The following KCNQ1 variants were observed in gnomAD, a reference collection of about 807,000 sequenced individuals.
KCNQ1 encodes the protein potassium voltage-gated channel subfamily Q member 1, also known as potassium voltage-gated channel subfamily KQT member 1.
In KCNQ1, 49 loss-of-function variants were observed where a neutral mutation model predicts 72.4. The observed-to-expected ratio is 0.68, with a 90% CI of 0.54 to 0.86. KCNQ1 has a LOEUF of 0.86. KCNQ1 is among the 40% of genes least tolerant of loss of function. The pLI is 0.00. For synonymous variants in KCNQ1, 450 were observed against 412.6 expected (o/e 1.09, Z -1.10); for missense variants, 790 against 945.1 (o/e 0.84, Z 2.15).
intron 10 of KCNQ1, chr11:2,619,025 T>A (rs1849118380): frequency 2.5e-6 from 1 of 398,484 alleles, no homozygotes; most frequent in Admixed American, 4.4e-5. Flanking sequence ...ATTGATTTTA[T>A]ATCCTACAAC....
Position 2,587,781 on chromosome 11 carries a change from C to T in KCNQ1, c.1251+89C>T, listed in dbSNP as rs148458744. 166 of 1,574,618 alleles carry T rather than the reference C, an allele frequency of 1.1e-4. No homozygotes were observed. The African/African-American group carries it at 2.1e-3, about 20-fold the overall frequency. On this transcript the variant is annotated intron_variant, in intron 9 of 15. Transcript: ENST00000155840. ...CCGCAGCACGAGGCTGGGATCTCAC[C>T]ATGCATTTGGCTTGGTACAGCCTGT...
intron 2 of KCNQ1, among the ~76,000 whole-genome samples, chr11:2,568,755 C>A (rs1342587435): frequency 6.6e-6 from 1 of 152,216 alleles, no homozygotes; most frequent in Non-Finnish European, 1.5e-5. Context: ...CTCTAAGGAG[C>A]TCAGCCGGAC....
chr11:2,750,125 C>T lies in KCNQ1; in HGVS notation c.1515-18719C>T, dbSNP rs1430801279. 2.6e-5 allele frequency among the ~76,000 whole-genome samples: 4 copies of T among 152,164 alleles called. No homozygotes were observed. The highest frequency in any genetic ancestry group is 6.5e-5 in the Admixed American group (1 of 15,268). ...GCTGGTGAAGCTGGGGAGAGACCTG[C>T]GCAACCCCACCTGAGTGAGGCACTG... On this transcript the variant is annotated intron_variant, in intron 11 of 15. Coordinates refer to ENST00000155840, the MANE Select transcript of KCNQ1 (RefSeq NM_000218.3). The surrounding 1 kb of genome is among the most constrained non-coding windows in gnomAD (Gnocchi z 6.3).
In KCNQ1 at chr11:2,549,931, G is replaced by A. The variant is rs554310749; in HGVS notation, c.478-20697G>A. Among the ~76,000 whole-genome samples the A allele has an allele frequency of 1.3e-5, 2 of 152,218 alleles. No individual in the cohort carries two copies. Among genetic ancestry groups the A allele is most frequent in the Admixed American group, 6.5e-5 (1 of 15,306 alleles). On this transcript the variant is annotated intron_variant, in intron 2 of 15. Coordinates refer to ENST00000155840, the MANE Select transcript of KCNQ1 (RefSeq NM_000218.3). This position sits in a 1 kb window ranked among gnomAD's most constrained non-coding sequence, Gnocchi z 6.2. ...TTGCCCACCGCCCCCGCCACCCAGC[G>A]CGAGCCGCGTAGAGGAGCAGGAAGG...
Position 2,587,779 on chromosome 11 carries a change from A to G in KCNQ1, c.1251+87A>G, listed in dbSNP as rs566385961. 5.3e-4 allele frequency: 829 copies of G among 1,569,028 alleles called. 3 individuals are homozygous for G. In the African/African-American group the frequency reaches 0.01, roughly 19 times the overall value. ...GGCCGCAGCACGAGGCTGGGATCTC[A>G]CCATGCATTTGGCTTGGTACAGCCT... On this transcript the variant is annotated intron_variant, in intron 9 of 15. Coordinates refer to ENST00000155840, the MANE Select transcript of KCNQ1 (RefSeq NM_000218.3).
Position 2,651,695 on chromosome 11 carries a change from T to G in KCNQ1, c.1394-10266T>G, listed in dbSNP as rs1849758841. ...CCACGTGGCCCTCTGTTTCCTGTAA[T>G]AGGCCATTTCCTAAGTAAGCATCAT... On this transcript the variant is annotated intron_variant, in intron 10 of 15. Coordinates refer to ENST00000155840, the MANE Select transcript of KCNQ1 (RefSeq NM_000218.3). The surrounding 1 kb of genome is among the most constrained non-coding windows in gnomAD (Gnocchi z 6.1). 1 of 398,526 alleles carries G rather than the reference T, an allele frequency of 2.5e-6. No individual in the cohort carries two copies. The highest frequency in any genetic ancestry group is 4.4e-6 in the Non-Finnish European group (1 of 226,078). 24.7% of individuals were successfully genotyped at this position (398,526 alleles called of 1,614,324 possible). A position where few individuals can be genotyped will look rare whatever the true frequency, so the allele number is the denominator to read the frequency against.
chr11:2,703,496 C>T lies in KCNQ1; in HGVS notation c.1514+41415C>T, dbSNP rs924996339. Among the ~76,000 whole-genome samples the T allele has an allele frequency of 6.6e-6, 1 of 152,208 alleles. No homozygotes were observed. The highest frequency in any genetic ancestry group is 2.1e-4 in the South Asian group (1 of 4,832). ...AAGCCTGTGCACCCGAGAGCACGCA[C>T]GCACACACGCACTCACAGCTGAAGA... On this transcript the variant is annotated intron_variant, in intron 11 of 15. Coordinates refer to ENST00000155840, the MANE Select transcript of KCNQ1 (RefSeq NM_000218.3). This position sits in a 1 kb window ranked among gnomAD's most constrained non-coding sequence, Gnocchi z 6.4.
intron 11 of KCNQ1, chr11:2,684,465 T>C (rs915076758): frequency 5.0e-5 from 20 of 398,558 alleles, no homozygotes; most frequent in African/African-American, 3.9e-4. Context: ...AAAAAGACTA[T>C]GCTCCAGAAC....
intron 10 of KCNQ1, among the ~76,000 whole-genome samples, chr11:2,597,951 T>C (rs1848754758): frequency 6.6e-6 from 1 of 152,180 alleles, no homozygotes; most frequent in Non-Finnish European, 1.5e-5. Flanking sequence ...CCTGAACTTT[T>C]GTGGTTTTTC....
rs543925129 is a variant in KCNQ1 at position 2,595,583 on chromosome 11, T to A, written c.1393+6729T>A. Among the ~76,000 whole-genome samples the A allele has an allele frequency of 3.9e-5, 6 of 152,336 alleles. No individual in the cohort carries two copies. Among genetic ancestry groups the A allele is most frequent in the African/African-American group, 1.4e-4 (6 of 41,574 alleles). ...TACATCTGTTGACAACATGGTTTAC[T>A]GAATATGTTGAGCCCATTTTCGAGA... On this transcript the variant is annotated intron_variant, in intron 10 of 15. Transcript: ENST00000155840. The surrounding 1 kb of genome is among the most constrained non-coding windows in gnomAD (Gnocchi z 5.0).
chr11:2,740,328 A>G (rs537461858), intron 11 of KCNQ1, among the ~76,000 whole-genome samples: 19 of 152,338 alleles, frequency 1.2e-4, no homozygotes, highest in Non-Finnish European at 2.2e-4. Context: ...CCTTCACTTA[A>G]AGTCACTTTT....
chr11:2,445,726 G>A (rs1399529880), intron 1 of KCNQ1, among the ~76,000 whole-genome samples: 1 of 152,228 alleles, frequency 6.6e-6, no homozygotes, highest in Non-Finnish European at 1.5e-5. Flanking sequence ...GCTGGGGAGG[G>A]GACCACCTGG....
intron 15 of KCNQ1, among the ~76,000 whole-genome samples, chr11:2,798,924 A>G (rs886613425): frequency 6.6e-6 from 1 of 152,136 alleles, no homozygotes; most frequent in Non-Finnish European, 1.5e-5. Context: ...GGACGGGGGA[A>G]GGAGAGGAAG....
At chr11:2,705,067 A>C (rs1017928106) in intron 11 of KCNQ1, among the ~76,000 whole-genome samples, 1 of 152,196 alleles carries the variant, frequency 6.6e-6, no homozygotes, top group African/African-American at 2.4e-5. Context: ...TGACAGATGC[A>C]GGTCCTGCTC....
At position 2,549,455 on chromosome 11, in the gene KCNQ1, G is replaced by A. The variant is rs1455851169; in HGVS notation, c.478-21173G>A. Reference sequence around the variant, plus strand: ...GGCCTCAGATTTTCTACCTCAAAGCGATGGAACCCAGAAGACATGGGGCCC... The same window carrying A: ...GGCCTCAGATTTTCTACCTCAAAGCAATGGAACCCAGAAGACATGGGGCCC... On this transcript the variant is annotated intron_variant, in intron 2 of 15. Coordinates refer to ENST00000155840, the MANE Select transcript of KCNQ1 (RefSeq NM_000218.3). The surrounding 1 kb of genome is among the most constrained non-coding windows in gnomAD (Gnocchi z 6.2). Among the ~76,000 whole-genome samples, 3 of 152,184 alleles carry A rather than the reference G, an allele frequency of 2.0e-5. No individual in the cohort carries two copies. Among genetic ancestry groups the A allele is most frequent in the Non-Finnish European group, 4.4e-5 (3 of 68,028 alleles).
In KCNQ1 at chr11:2,471,388, AC is replaced by A. The variant is rs1846453159; in HGVS notation, c.386+25905del. Among the ~76,000 whole-genome samples, 3 of 152,006 alleles carry A rather than the reference AC, an allele frequency of 2.0e-5. No individual in the cohort carries two copies. The highest frequency in any genetic ancestry group is 1.3e-4 in the Admixed American group (2 of 15,270). On this transcript the variant is annotated intron_variant, in intron 1 of 15. Coordinates refer to ENST00000155840, the MANE Select transcript of KCNQ1 (RefSeq NM_000218.3). The surrounding 1 kb of genome is among the most constrained non-coding windows in gnomAD (Gnocchi z 4.8). The stretch of plus-strand genomic sequence containing the variant: ...CCCAACCCTGACCCAAGTGTCCTTC[AC>A]GCTCAGCAACGCCACAGCCTCTGAC...
At chr11:2,688,559 C>T in intron 11 of KCNQ1, 1 of 398,744 alleles carries the variant, frequency 2.5e-6, no homozygotes, top group Non-Finnish European at 4.4e-6. Flanking sequence ...GGTTCCACAC[C>T]ACAGCCTCAT....
intron 11 of KCNQ1, chr11:2,675,626 T>C: frequency 2.5e-6 from 1 of 398,628 alleles, no homozygotes; most frequent in Non-Finnish European, 4.4e-6. Context: ...AGAGCACCCC[T>C]TATTAGAGGG....
chr11:2,600,722 T>C lies in KCNQ1; in HGVS notation c.1393+11868T>C, dbSNP rs900856121. 6.6e-6 allele frequency among the ~76,000 whole-genome samples: 1 copy of C among 152,226 alleles called. No homozygotes were observed. Among genetic ancestry groups the C allele is most frequent in the Non-Finnish European group, 1.5e-5 (1 of 68,042 alleles). On this transcript the variant is annotated intron_variant, in intron 10 of 15. Coordinates refer to ENST00000155840, the MANE Select transcript of KCNQ1 (RefSeq NM_000218.3). This position sits in a 1 kb window ranked among gnomAD's most constrained non-coding sequence, Gnocchi z 5.6. The stretch of plus-strand genomic sequence containing the variant: ...TTTTTTCCTCCACTGCAAGATCCAG[T>C]TCAGGGTCAGTACTGCCTTTAGATG...
Sources: allele counts gnomAD v4.1 joint callset (sites outside exome capture counted in the v4.1 genomes callset), GRCh38; gene constraint gnomAD v4.1.1; non-coding constraint Gnocchi (gnomAD v3.1); transcripts MANE v1.5; gene names NCBI Gene and HGNC (gene_info 2026-07-23, HGNC 2026-07-21).